GGCX: variants seen among roughly 807,000 people sequenced by gnomAD.
The protein encoded by GGCX is vitamin K-dependent gamma-carboxylase.
Under a neutral mutation model 88.5 loss-of-function variants are expected in GGCX, and 63 were observed. The ratio of observed to expected loss-of-function variants is 0.71; its 90% CI spans 0.58 to 0.88. The LOEUF (loss-of-function observed/expected upper bound fraction) is 0.88, where lower values mean the gene tolerates loss of function less well. Ranked by LOEUF, GGCX falls within the 40% of genes least tolerant of loss-of-function variation. The probability of loss-of-function intolerance (pLI) is 0.00; values close to 1 mark genes in which losing one functional copy is unlikely to be tolerated. For synonymous variants in GGCX, 368 were observed against 365.8 expected (o/e 1.01, Z -0.07); for missense variants, 805 against 932.9 (o/e 0.86, Z 1.79).
intron 4 of GGCX, among the ~76,000 whole-genome samples, chr2:85,557,074 T>C (rs1487335010): frequency 6.6e-6 from 1 of 152,166 alleles, no homozygotes; most frequent in East Asian, 1.9e-4. Flanking sequence ...GAGGTTGCAG[T>C]GAGCTATGAC....
At chr2:85,552,044 C>A in intron 10 of GGCX, 63 bp from the exon 11 acceptor site, 3 of 1,220,162 alleles carry the variant, frequency 2.5e-6, no homozygotes, top group Non-Finnish European at 3.6e-6. Context: ...ACTTCCAGTT[C>A]TCTCCCTTTC....
intron 14 of GGCX, among the ~76,000 whole-genome samples, 160 bp downstream of exon 14, chr2:85,550,395 C>T (rs914749985): frequency 6.6e-6 from 1 of 152,090 alleles, no homozygotes; most frequent in Non-Finnish European, 1.5e-5. Context: ...CAGATATAGG[C>T]CACTTATTCT....
Position 85,545,698 on chromosome 2 carries a change from A to G in GGCX, c.*4236T>C, listed in dbSNP as rs1178788705. 6.6e-6 allele frequency: 1 copy of G among 152,190 alleles called. No individual in the cohort carries two copies. The highest frequency in any genetic ancestry group is 1.5e-5 in the Non-Finnish European group (1 of 68,050). 9.4% of individuals were successfully genotyped at this position (152,190 alleles called of 1,614,324 possible). A position where few individuals can be genotyped will look rare whatever the true frequency, so the allele number is the denominator to read the frequency against. The stretch of plus-strand genomic sequence containing the variant: ...TTTTCAACTAAGGTTGAGGGCTTCA[A>G]ACCATTGAAGGCATAAAAACCGCTA... On this transcript the variant is annotated 3_prime_UTR_variant, in exon 15 of 15. Transcript: ENST00000233838.
Position 85,550,655 on chromosome 2 carries a change from G to C in GGCX, c.1984C>G (p.Arg662Gly), listed in dbSNP as rs760354977. ...PTPLVQTFLR[R>G]QQRLQEIERR... is the part of the protein sequence containing the mutation. ...TCAATCTCCTGGAGCCTTTGTTGGC[G>C]TCTAAGAAAGGTCTGAACCAGAGGT... The change falls in exon 14 of 15, where the codon CGC becomes GGC. Residue 662 changes from arginine to glycine, a missense_variant. Around this residue, in one of 3 missense-constraint regions of GGCX, gnomAD observed 680 missense variants for 763.7 expected, o/e 0.89. Transcript: ENST00000233838. 24 of 1,613,496 alleles carry C rather than the reference G, an allele frequency of 1.5e-5. No individual in the cohort carries two copies. Among genetic ancestry groups the C allele is most frequent in the Admixed American group, 1.3e-4 (8 of 60,004 alleles).
At position 85,547,307 on chromosome 2, in the gene GGCX, T is replaced by TA. The variant is rs1204325595; in HGVS notation, c.*2626dup. Reference sequence around the variant, plus strand: ...AGGGTAGAATGAGGAGGATGTATACTAAAGTCTTTTGGCTAAAAGGACATT... The same window carrying TA: ...AGGGTAGAATGAGGAGGATGTATACTAAAAGTCTTTTGGCTAAAAGGACATT... On this transcript the variant is annotated 3_prime_UTR_variant, in exon 15 of 15. Transcript: ENST00000233838. 2 of 152,222 alleles carry TA rather than the reference T, an allele frequency of 1.3e-5. No homozygotes were observed. Among genetic ancestry groups the TA allele is most frequent in the Non-Finnish European group, 2.9e-5 (2 of 68,042 alleles). The allele number at this position is 152,222 out of a possible 1,614,324, so 9.4% of individuals were successfully genotyped here. A position where few individuals can be genotyped will look rare whatever the true frequency, so the allele number is the denominator to read the frequency against.
rs150275883 is a variant in GGCX, at chr2:85,554,189, G to C, written c.843C>G (p.Phe281Leu). The stretch of plus-strand genomic sequence containing the variant: ...TCATGCAGTGGAAGTAGGACACAAA[G>C]AACAGGCCAATGGATCTTGAGACAT... ...FFDVSRSIGL[F>L]FVSYFHCMNS... The change falls in exon 7 of 15, where the codon TTC becomes TTG. Residue 281 changes from phenylalanine to leucine, a missense_variant. By Grantham distance (22) the Phe-to-Leu change is conservative. Transcript: ENST00000233838. The C allele has an allele frequency of 2.5e-6, 4 of 1,612,908 alleles. 1 individual carries two copies. Among genetic ancestry groups the C allele is most frequent in the East Asian group, 4.5e-5 (2 of 44,882 alleles).
At position 85,558,475 on chromosome 2, in the gene GGCX, G is replaced by A. The variant is rs2103984656; in HGVS notation, c.504C>T (p.Ala168=). 1.2e-6 allele frequency: 2 copies of A among 1,613,942 alleles called. No individual in the cohort carries two copies. The highest frequency in any genetic ancestry group is 2.2e-5 in the East Asian group (1 of 44,882). The change falls in exon 4 of 15, where the codon GCC becomes GCT. Residue 168 remains alanine (A), a synonymous_variant. Transcript: ENST00000233838. ...NNHSYLYGLL[A]FQLTFMDANH... ...TTGCATCCATGAATGTTAGCTGAAA[G>A]GCCAACAACCCATACAGATAGGAGT...
rs750553400 is a variant in GGCX at position 85,560,826 on chromosome 2, C to T, written c.203G>A (p.Arg68His). ...TAAACTGGACTCACCAAAAAGAAAA[C>T]GAAAGACAGCTAAGCTTGCAGGGTC... ...PTDPASLAVFRFLFGFLMVLD... is the reference protein window; with the variant it reads ...PTDPASLAVFHFLFGFLMVLD... The change falls in exon 2 of 15, where the codon CGT becomes CAT. Residue 68 changes from arginine to histidine, a missense_variant. Arg to His is a conservative substitution (Grantham distance 29). Transcript: ENST00000233838. The T allele has an allele frequency of 5.0e-6, 8 of 1,613,792 alleles. No individual in the cohort carries two copies. The highest frequency in any genetic ancestry group is 1.7e-5 in the Admixed American group (1 of 59,990).
In GGCX at chr2:85,551,927, G is replaced by A. The variant is rs41290033; in HGVS notation, c.1494C>T (p.Arg498=). The A allele has an allele frequency of 0.022, 34,973 of 1,613,536 alleles. 443 individuals carry two copies. Among genetic ancestry groups the A allele is most frequent in the Non-Finnish European group, 0.026 (30,179 of 1,179,478 alleles). ...IVQAAWSPFQ[R]TSWVQPLLMD... ...TCAAGAGTGGTTGCACCCAGGATGT[G>A]CGCTGAAAGGGTGACCAAGCGGCCT... The change falls in exon 11 of 15, where the codon CGC becomes CGT. Residue 498 remains arginine, a synonymous_variant. Transcript: ENST00000233838.
At position 85,544,953 on chromosome 2, in the gene GGCX, C is replaced by G. The variant is rs1256752195; in HGVS notation, c.*4981G>C. On this transcript the variant is annotated 3_prime_UTR_variant, in exon 15 of 15. Coordinates refer to ENST00000233838, the MANE Select transcript of GGCX (RefSeq NM_000821.7). ...CTTTTAAAAGATTTTTTTTTTTTCT[C>G]TCAACACCATGATTCCTTTAACAAC... The G allele has an allele frequency of 6.6e-6, 1 of 151,062 alleles. No individual in the cohort carries two copies. Among genetic ancestry groups the G allele is most frequent in the Non-Finnish European group, 1.5e-5 (1 of 67,720 alleles). 9.4% of individuals were successfully genotyped at this position (151,062 alleles called of 1,614,324 possible). A position where few individuals can be genotyped will look rare whatever the true frequency, so the allele number is the denominator to read the frequency against.
Position 85,554,287 on chromosome 2 carries a change from G to A in GGCX, c.745C>T (p.Leu249=), listed in dbSNP as rs1262224787. The change falls in exon 7 of 15, where the codon CTG becomes TTG. Residue 249 remains leucine (L), a synonymous_variant. Transcript: ENST00000233838. ...CAGTGCACGACCAGCAGGCTAGTCA[G>A]CTCCTCAGACAACAGCAGTCTGCAA... The part of the protein sequence containing the change: ...SPFKLLLSEE[L]TSLLVVHWGG... 10 of 1,614,058 alleles carry A rather than the reference G, an allele frequency of 6.2e-6. No individual in the cohort carries two copies. Among genetic ancestry groups the A allele is most frequent in the Non-Finnish European group, 8.5e-6 (10 of 1,179,928 alleles).
chr2:85,551,943 C>T lies in GGCX; in HGVS notation c.1478G>A (p.Trp493Ter). 5 of 1,613,982 alleles carry T rather than the reference C, an allele frequency of 3.1e-6. No homozygotes were observed. The highest frequency in any genetic ancestry group is 3.4e-6 in the Non-Finnish European group (4 of 1,179,890). Residue 493 changes from tryptophan (W) to a stop codon, truncating the protein, a stop_gained, in exon 11 of 15, where the codon TGG (tryptophan) becomes TAG (stop). Coordinates refer to ENST00000233838, the MANE Select transcript of GGCX (RefSeq NM_000821.7). LOFTEE classifies it high-confidence loss of function. ...DPRVDIVQAA[W>*]SPFQRTSWVQ... ...CCAGGATGTGCGCTGAAAGGGTGAC[C>T]AAGCGGCCTGCACGATGTCCACACG... is the stretch of plus-strand genomic sequence containing the variant.
chr2:85,553,368 C>G lies in GGCX; in HGVS notation c.1019G>C (p.Ser340Thr). The change falls in exon 8 of 15, where the codon AGT becomes ACT. Residue 340 changes from serine to threonine, a missense_variant. This residue lies in a region of GGCX where 680 missense variants were observed against 763.7 expected (regional missense o/e 0.89). Transcript: ENST00000233838. ...GCTCCTCTTATACACACAGGAAACA[C>G]TGGGCTGAGGGGCTGCCTTGAGGGG... is the stretch of plus-strand genomic sequence containing the variant. ...LLPLKAAPQP[S>T]VSCVYKRSRG... 6.2e-7 allele frequency: 1 copy of G among 1,614,236 alleles called. No homozygotes were observed. The highest frequency in any genetic ancestry group is 8.5e-7 in the Non-Finnish European group (1 of 1,180,042).
At position 85,550,905 on chromosome 2, in the gene GGCX, C is replaced by G. The variant is rs1355165260; in HGVS notation, c.1888+20G>C. The stretch of plus-strand genomic sequence containing the variant: ...TCTTGAAACCAGAGGCTATCTCAGC[C>G]CAAATGTTCATACACTCACCACTTC... On this transcript the variant is annotated intron_variant, in intron 13 of 14. Transcript: ENST00000233838. 11 of 1,613,392 alleles carry G rather than the reference C, an allele frequency of 6.8e-6. No individual in the cohort carries two copies. Among genetic ancestry groups the G allele is most frequent in the Non-Finnish European group, 8.5e-6 (10 of 1,179,452 alleles).
At chr2:85,556,010 C>T (rs1405389155) in intron 5 of GGCX, among the ~76,000 whole-genome samples, 172 bp downstream of exon 5, 1 of 149,322 alleles carries the variant, frequency 6.7e-6, no homozygotes, top group African/African-American at 2.4e-5. Flanking sequence ...TAAGATAATT[C>T]AGAGATTAAG....
intron 2 of GGCX, among the ~76,000 whole-genome samples, chr2:85,559,494 C>T (rs1367276963): frequency 6.6e-6 from 1 of 151,914 alleles, no homozygotes; most frequent in Non-Finnish European, 1.5e-5. Flanking sequence ...GGGCAGATCA[C>T]CTGAGGTTGG....
intron 8 of GGCX, 36 bp from the exon 9 acceptor site, chr2:85,553,106 C>T: frequency 6.2e-7 from 1 of 1,613,988 alleles, no homozygotes. Flanking sequence ...CAGCTCAATG[C>T]TTCTCACACT....
rs750397468 is a variant in GGCX at position 85,550,571 on chromosome 2, A to C, written c.2068T>G (p.Tyr690Asp). 1 of 1,613,480 alleles carries C rather than the reference A, an allele frequency of 6.2e-7. No individual in the cohort carries two copies. The highest frequency in any genetic ancestry group is 1.1e-5 in the South Asian group (1 of 91,078). ...TGAACTTACCTGCGGCGAAAGACAT[A>C]GAGCTTTCGCAACAAGAAGCGGAAG... The part of the protein sequence containing the change: ...RFFRFLLRKL[Y>D]VFRRSFLMTC... The change falls in exon 14 of 15, where the codon TAT becomes GAT. Residue 690 changes from tyrosine to aspartate, a missense_variant. Transcript: ENST00000233838.
At position 85,550,634 on chromosome 2, in the gene GGCX, T is replaced by A; in HGVS notation, c.2005A>T (p.Ile669Phe). ...AAAGGAGTATTTCGCCGGCGTTCAA[T>A]CTCCTGGAGCCTTTGTTGGCGTCTA... The part of the protein sequence containing the change: ...FLRRQQRLQE[I>F]ERRRNTPFHE... Residue 669 changes from isoleucine (I) to phenylalanine (F), a missense_variant, in exon 14 of 15, where the codon ATT (isoleucine) becomes TTT (phenylalanine). Coordinates refer to ENST00000233838, the MANE Select transcript of GGCX (RefSeq NM_000821.7). 1 of 1,613,978 alleles carries A rather than the reference T, an allele frequency of 6.2e-7. No homozygotes were observed. Among genetic ancestry groups the A allele is most frequent in the Non-Finnish European group, 8.5e-7 (1 of 1,179,848 alleles).
Sources: gnomAD v4.1 joint callset for allele counts (sites outside exome capture counted in the v4.1 genomes callset) on GRCh38, gnomAD v4.1.1 for gene constraint, gnomAD v4.1.1 regional missense constraint, MANE v1.5 for transcripts, NCBI Gene and HGNC (gene_info 2026-07-23, HGNC 2026-07-21) for gene names.